The following NELL1 variants were observed in gnomAD, a reference collection of about 807,000 sequenced individuals.
NELL1 encodes neural EGFL like 1.
In NELL1, 76 loss-of-function variants were observed where a neutral mutation model predicts 107.4. That is an observed-to-expected ratio of 0.71 (90% confidence interval 0.59 to 0.86). NELL1 has a LOEUF of 0.86. Among genes scored for constraint, NELL1 ranks in the 40% least tolerant of loss-of-function variants. The pLI is 0.00. For missense variants in NELL1, 1,024 were observed against 1,005.5 expected, an observed-to-expected ratio of 1.02 and a Z score of -0.25; for synonymous variants, 353 against 341.2, an observed-to-expected ratio of 1.03 and a Z score of -0.38.
At chr11:20,723,300 C>A (rs1855434304) in intron 2 of NELL1, among the ~76,000 whole-genome samples, 1 of 152,186 alleles carries the variant, frequency 6.6e-6, no homozygotes, top group Non-Finnish European at 1.5e-5. Flanking sequence ...AGTCCCTTCT[C>A]CCTATGAGCC....
chr11:21,536,931 A>T (rs2133973868), intron 16 of NELL1, among the ~76,000 whole-genome samples: 1 of 152,214 alleles, frequency 6.6e-6, no homozygotes, highest in Admixed American at 6.5e-5. Context: ...TGTCTGAAGG[A>T]TGCGGTAAAA....
chr11:20,697,779 C>T (rs1854663913), intron 2 of NELL1, among the ~76,000 whole-genome samples: 1 of 152,036 alleles, frequency 6.6e-6, no homozygotes, highest in South Asian at 2.1e-4. Flanking sequence ...GGGAAATGGT[C>T]TTTGGGGGAG....
chr11:21,548,873 T>C lies in NELL1; in HGVS notation c.1787-11316T>C, dbSNP rs1357935628. 2.0e-5 allele frequency among the ~76,000 whole-genome samples: 3 copies of C among 150,628 alleles called. No homozygotes were observed. In the Admixed American group the frequency reaches 2.0e-4, roughly 10 times the overall value. On this transcript the variant is annotated intron_variant, in intron 16 of 19. Transcript: ENST00000357134. Reference sequence around the variant, plus strand: ...GACCCTTTGTTACTCTTTCTATACCTCTTACACTGGGGTCCTAGCATTGCT... The same window carrying C: ...GACCCTTTGTTACTCTTTCTATACCCCTTACACTGGGGTCCTAGCATTGCT...
intron 2 of NELL1, among the ~76,000 whole-genome samples, chr11:20,778,793 T>G (rs1313464313): frequency 6.6e-6 from 1 of 152,134 alleles, no homozygotes; most frequent in African/African-American, 2.4e-5. Flanking sequence ...ATGGAAAGCC[T>G]CACGGACAGA....
intron 12 of NELL1, among the ~76,000 whole-genome samples, chr11:21,111,982 C>G (rs897445906): frequency 1.3e-5 from 2 of 152,006 alleles, no homozygotes; most frequent in Non-Finnish European, 2.9e-5. Flanking sequence ...TTAATGTCAC[C>G]ATACTACTCT....
chr11:21,218,384 T>C (rs142100357), intron 13 of NELL1, among the ~76,000 whole-genome samples: 51 of 152,300 alleles, frequency 3.3e-4, no homozygotes, highest in African/African-American at 1.2e-3. Flanking sequence ...TGTACATATT[T>C]ATAAGATACA....
At chr11:21,089,859 G>C (rs983388183) in intron 12 of NELL1, among the ~76,000 whole-genome samples, 1 of 152,164 alleles carries the variant, frequency 6.6e-6, no homozygotes, top group Middle Eastern at 3.2e-3. Flanking sequence ...TTCAATCTTA[G>C]GGATGGAGGA....
rs576764908 is a variant in NELL1, at chr11:20,846,249, T to C, written c.336-1334T>C. ...GACTCTCTGCTTGCCCTTCACTGTT[T>C]ACTTTGGAAAGATCTGTGAAAGATG... On this transcript the variant is annotated intron_variant, in intron 3 of 19. Transcript: ENST00000357134. Among the ~76,000 whole-genome samples, 3 of 152,324 alleles carry C rather than the reference T, an allele frequency of 2.0e-5. No homozygotes were observed. The South Asian group carries it at 6.2e-4, about 32-fold the overall frequency.
intron 15 of NELL1, among the ~76,000 whole-genome samples, chr11:21,509,919 T>G (rs1313377659): frequency 1.3e-5 from 2 of 152,222 alleles, no homozygotes; most frequent in Non-Finnish European, 2.9e-5. Context: ...TGATTAAAAT[T>G]AATCCCAAAC....
intron 12 of NELL1, among the ~76,000 whole-genome samples, chr11:21,017,319 T>C (rs968148508): frequency 5.9e-5 from 9 of 152,080 alleles, no homozygotes; most frequent in Non-Finnish European, 1.2e-4. Flanking sequence ...TAAACAGTGG[T>C]AGAAGCTTCC....
chr11:21,021,049 A>ACACAC (rs1852688766), intron 12 of NELL1, among the ~76,000 whole-genome samples: 1 of 151,580 alleles, frequency 6.6e-6, no homozygotes, highest in Non-Finnish European at 1.5e-5. Flanking sequence ...ACACACACAC[A>ACACAC]GAGTTAAAAT....
chr11:20,721,749 G>A (rs1855393820), intron 2 of NELL1, among the ~76,000 whole-genome samples: 1 of 152,156 alleles, frequency 6.6e-6, no homozygotes, highest in Non-Finnish European at 1.5e-5. Context: ...AGAGTTTAAT[G>A]ACTTGACACT....
intron 14 of NELL1, chr11:21,260,270 T>G (rs1212044552): frequency 6.9e-6 from 1 of 144,766 alleles, no homozygotes; most frequent in East Asian, 2.2e-4. Context: ...AAGTGTTAGT[T>G]TTCTGTTCTT....
intron 12 of NELL1, among the ~76,000 whole-genome samples, chr11:21,043,424 G>A (rs1590576223): frequency 6.6e-6 from 1 of 152,124 alleles, no homozygotes; most frequent in East Asian, 1.9e-4. Context: ...AGGGAGTGTG[G>A]CTTTTGCTGA....
intron 13 of NELL1, among the ~76,000 whole-genome samples, chr11:21,131,562 A>G (rs1451093952): frequency 6.6e-6 from 1 of 152,204 alleles, no homozygotes. Flanking sequence ...GCCAAGATTC[A>G]TGGCCTTTCA....
At chr11:21,276,823 G>A (rs1009316096) in intron 14 of NELL1, among the ~76,000 whole-genome samples, 16 of 152,196 alleles carry the variant, frequency 1.1e-4, no homozygotes, top group Admixed American at 6.5e-4. Context: ...AATCAATGGC[G>A]CTGGGGAAAC....
chr11:20,965,563 G>A (rs534327306), intron 12 of NELL1, among the ~76,000 whole-genome samples: 1 of 152,286 alleles, frequency 6.6e-6, no homozygotes, highest in African/African-American at 2.4e-5. Context: ...TAATGTATAG[G>A]TGAACTCATT....
At chr11:20,755,548 T>TATTTTTTA (rs1420797185) in intron 2 of NELL1, among the ~76,000 whole-genome samples, 2 of 40,762 alleles carry the variant, frequency 4.9e-5, no homozygotes, top group East Asian at 1.1e-3. Context: ...TTGTTTTTTT[T>TATTTTTTA]TGTTTTTGTT....
intron 17 of NELL1, among the ~76,000 whole-genome samples, chr11:21,560,608 G>T (rs1216318177): frequency 2.2e-4 from 33 of 152,070 alleles, no homozygotes; most frequent in Admixed American, 2.2e-3. Flanking sequence ...AGAAGGAACT[G>T]CAGGGAAGGC....
Sources: gnomAD v4.1 joint callset for allele counts (sites outside exome capture counted in the v4.1 genomes callset) on GRCh38, gnomAD v4.1.1 for gene constraint, MANE v1.5 for transcripts, NCBI Gene and HGNC (gene_info 2026-07-23, HGNC 2026-07-21) for gene names.